The following SHISA9 variants were observed in gnomAD, a reference collection of about 807,000 sequenced individuals.
SHISA9 encodes protein shisa-9.
Under a neutral mutation model 38.0 loss-of-function variants are expected in SHISA9, and 13 were observed. That is an observed-to-expected ratio of 0.34 (90% CI 0.22 to 0.54). The LOEUF is 0.54. Ranked by LOEUF, SHISA9 falls within the 20% of genes least tolerant of loss-of-function variation. The pLI is 0.91. For synonymous variants in SHISA9, 275 were observed against 242.0 expected, an observed-to-expected ratio of 1.14 and a Z score of -1.27; for missense variants, 538 against 575.8, an observed-to-expected ratio of 0.93 and a Z score of 0.67.
the SHISA9 span, among the ~76,000 whole-genome samples, chr16:13,469,409 GA>G: frequency 2.4e-5 from 3 of 124,502 alleles, no homozygotes; most frequent in Admixed American, 7.5e-5. Flanking sequence ...AAGAAAGAAA[GA>G]AAGAAAGAAA....
the SHISA9 span, among the ~76,000 whole-genome samples, chr16:13,318,924 A>C: frequency 6.6e-6 from 1 of 152,254 alleles, no homozygotes; most frequent in African/African-American, 2.4e-5. Flanking sequence ...GCTCTCCACC[A>C]TGTGGGTCCA....
intron 2 of SHISA9, chr16:13,082,272 A>G (rs562335801): frequency 6.6e-6 from 1 of 152,378 alleles, no homozygotes; most frequent in African/African-American, 2.4e-5. Context: ...TAAATAATTT[A>G]TGCAACTTAT....
intron 4 of SHISA9, among the ~76,000 whole-genome samples, chr16:13,234,375 A>G (rs1051255556): frequency 5.3e-5 from 8 of 152,234 alleles, no homozygotes; most frequent in Admixed American, 2.0e-4. Context: ...AAACAGACCT[A>G]TGAAGTATAC....
chr16:13,431,619 G>T, the SHISA9 span, among the ~76,000 whole-genome samples: 3 of 152,058 alleles, frequency 2.0e-5, no homozygotes, highest in Non-Finnish European at 4.4e-5. Context: ...TAGTTTACAC[G>T]ATTTTTCTCA....
At chr16:13,005,154 A>G (rs2072582416) in intron 2 of SHISA9, among the ~76,000 whole-genome samples, 1 of 151,886 alleles carries the variant, frequency 6.6e-6, no homozygotes. Context: ...TGGTGGAGGG[A>G]AGAGTGTATC....
the SHISA9 span, among the ~76,000 whole-genome samples, chr16:13,338,037 G>C: frequency 6.6e-6 from 1 of 152,156 alleles, no homozygotes; most frequent in Non-Finnish European, 1.5e-5. Flanking sequence ...GCCTAATACA[G>C]CTTTCAAGTA....
chr16:13,342,454 A>T, the SHISA9 span, among the ~76,000 whole-genome samples: 2 of 152,066 alleles, frequency 1.3e-5, no homozygotes, highest in African/African-American at 2.4e-5. Flanking sequence ...TGTCCAGCTA[A>T]TTTTTTTGTA....
At chr16:13,253,376 A>C in the SHISA9 span, among the ~76,000 whole-genome samples, 2 of 152,120 alleles carry the variant, frequency 1.3e-5, no homozygotes, top group African/African-American at 4.8e-5. Context: ...CACCTGTCCA[A>C]AGGTACAAGG....
chr16:13,492,889 T>C, the SHISA9 span, among the ~76,000 whole-genome samples: 2 of 151,862 alleles, frequency 1.3e-5, no homozygotes, highest in African/African-American at 4.8e-5. Flanking sequence ...GGTTCTGGGG[T>C]TGGAAGGAGT....
intron 2 of SHISA9, among the ~76,000 whole-genome samples, chr16:13,174,797 G>T (rs778540070): frequency 2.6e-5 from 4 of 152,196 alleles, no homozygotes; most frequent in Non-Finnish European, 5.9e-5. Flanking sequence ...GTCCAAAGGA[G>T]CCAAGCTGAT....
At chr16:13,420,890 T>C in the SHISA9 span, among the ~76,000 whole-genome samples, 1 of 152,158 alleles carries the variant, frequency 6.6e-6, no homozygotes, top group Non-Finnish European at 1.5e-5. Context: ...CACGTAGACA[T>C]TGATTCCACT....
chr16:13,180,019 C>A (rs153098), intron 2 of SHISA9, among the ~76,000 whole-genome samples: 95,690 of 151,992 alleles, frequency 0.63, 31,377 homozygotes, highest in African/African-American at 0.82. Flanking sequence ...TCTCCTGAGT[C>A]TGTGAGGCAA....
At chr16:13,352,617 G>A in the SHISA9 span, among the ~76,000 whole-genome samples, 1 of 151,288 alleles carries the variant, frequency 6.6e-6, no homozygotes, top group Non-Finnish European at 1.5e-5. Flanking sequence ...CACCAAACAG[G>A]CTTTGTGTGA....
At chr16:12,920,613 C>T (rs1194852244) in intron 2 of SHISA9, among the ~76,000 whole-genome samples, 2 of 152,156 alleles carry the variant, frequency 1.3e-5, no homozygotes, top group Non-Finnish European at 2.9e-5. Flanking sequence ...ATGTACCCTA[C>T]AAATATATAC....
downstream of SHISA9, among the ~76,000 whole-genome samples, chr16:13,245,078 G>A (rs992247613): frequency 6.6e-6 from 1 of 152,036 alleles, no homozygotes; most frequent in South Asian, 2.1e-4. Context: ...ACCATGCCCA[G>A]CTAATTTTCT....
chr16:13,543,084 T>C, the SHISA9 span, among the ~76,000 whole-genome samples: 1 of 152,192 alleles, frequency 6.6e-6, no homozygotes, highest in Non-Finnish European at 1.5e-5. Context: ...TTTGAGCACC[T>C]ACATTCTGCC....
At chr16:13,250,182 C>T in the SHISA9 span, among the ~76,000 whole-genome samples, 1 of 152,198 alleles carries the variant, frequency 6.6e-6, no homozygotes, top group African/African-American at 2.4e-5. Context: ...AATTGCAAAG[C>T]ACATAAAGTT....
At chr16:13,020,581 C>T (rs2072840190) in intron 2 of SHISA9, among the ~76,000 whole-genome samples, 1 of 152,172 alleles carries the variant, frequency 6.6e-6, no homozygotes, top group South Asian at 2.1e-4. Context: ...AAGGTCCCAA[C>T]TCCAAATACA....
intron 2 of SHISA9, among the ~76,000 whole-genome samples, chr16:13,042,491 A>C (rs1270101187): frequency 6.6e-6 from 1 of 152,162 alleles, no homozygotes; most frequent in Non-Finnish European, 1.5e-5. Context: ...TCAACAAATG[A>C]ATGCCTCAGT....
Sources: allele counts gnomAD v4.1 joint callset (sites outside exome capture counted in the v4.1 genomes callset), GRCh38; gene constraint gnomAD v4.1.1; transcripts MANE v1.5; gene names NCBI Gene and HGNC (gene_info 2026-07-23, HGNC 2026-07-21).